Variants in SYN1 observed in about 807,000 individuals in gnomAD.
SYN1 encodes the protein synapsin I, also known as synapsin-1.
Under a neutral mutation model 44.6 loss-of-function variants are expected in SYN1, and 8 were observed. The ratio of observed to expected loss-of-function variants is 0.18; its 90% CI spans 0.11 to 0.32. SYN1 has a LOEUF of 0.32. Ranked by LOEUF, SYN1 falls within the 10% of genes least tolerant of loss-of-function variation. The pLI, the probability that SYN1 is intolerant of heterozygous loss-of-function variation, is 1.00. For synonymous variants in SYN1, 275 were observed against 280.1 expected (o/e 0.98, Z 0.18); for missense variants, 451 against 639.4 (o/e 0.71, Z 3.18).
Position 47,589,321 on chromosome X carries a change from T to C in SYN1, c.775-11820A>G, listed in dbSNP as rs368091146. Reference sequence around the variant, plus strand: ...AAAAAAAAAAAAAAAAGGCCGGGCATGGTGGCTTACGCCTGTAATCCCAGC... The same window carrying C: ...AAAAAAAAAAAAAAAAGGCCGGGCACGGTGGCTTACGCCTGTAATCCCAGC... On this transcript the variant is annotated intron_variant, in intron 5 of 12. Coordinates refer to ENST00000295987, the MANE Select transcript of SYN1 (RefSeq NM_006950.3). Among the ~76,000 whole-genome samples the C allele has an allele frequency of 7.8e-4, 74 of 94,309 alleles. No individual in the cohort carries two copies. The East Asian group carries it at 8.8e-3, about 11-fold the overall frequency. 81.9% of individuals were successfully genotyped at this position (94,309 alleles called of 115,157 possible).
chrX:47,607,733 A>C (rs2057902516), intron 1 of SYN1, among the ~76,000 whole-genome samples: 1 of 107,490 alleles, frequency 9.3e-6, no homozygotes, highest in Non-Finnish European at 1.9e-5. Context: ...AATTGAAAAA[A>C]AAAAAAAAAA....
At position 47,619,837 on chromosome X, in the gene SYN1, C is replaced by T. The variant is rs941984453; in HGVS notation, c.-109G>A. On this transcript the variant is annotated 5_prime_UTR_variant, in exon 1 of 13. Transcript: ENST00000295987. Reference sequence around the variant, plus strand: ...TGCGCTCTCAGGCACGACACGACTCCTCCGCTGCCCACCGCAGACTGAGGC... The same window carrying T: ...TGCGCTCTCAGGCACGACACGACTCTTCCGCTGCCCACCGCAGACTGAGGC... The T allele has an allele frequency of 4.7e-6, 4 of 858,660 alleles. No individual in the cohort carries two copies. The African/African-American group carries it at 8.3e-5, about 18-fold the overall frequency. The allele number at this position is 858,660 out of a possible 1,213,427, so 70.8% of individuals were successfully genotyped here.
At chrX:47,598,338 T>C (rs775225868) in intron 5 of SYN1, among the ~76,000 whole-genome samples, 1 of 111,379 alleles carries the variant, frequency 9.0e-6, no homozygotes, top group Admixed American at 9.6e-5. Context: ...TAATTTGGTA[T>C]TAATTCTAAT....
intron 1 of SYN1, among the ~76,000 whole-genome samples, chrX:47,615,026 C>CA (rs1159308243): frequency 9.0e-6 from 1 of 111,291 alleles, no homozygotes; most frequent in Non-Finnish European, 1.9e-5. Flanking sequence ...ATGCAAATCT[C>CA]AGAGTCTCGG....
rs748278608 is a variant in SYN1 at position 47,575,324 on chromosome X, G to A, written c.1159-50C>T. ...GGGGAGAGGCAGGCCTCGCACCTGA[G>A]GCGGCAGTAACACCGTGCTTTCAGT... On this transcript the variant is annotated intron_variant, in intron 9 of 12. Transcript: ENST00000295987. 2.3e-5 allele frequency: 27 copies of A among 1,188,924 alleles called. No homozygotes were observed. The African/African-American group carries it at 4.5e-4, about 20-fold the overall frequency.
In SYN1 at chrX:47,574,230, T is replaced by G; in HGVS notation, c.1754A>C (p.Gln585Pro). 1 of 1,091,435 alleles carries G rather than the reference T, an allele frequency of 9.2e-7. No homozygotes were observed. Among genetic ancestry groups the G allele is most frequent in the South Asian group, 2.2e-5 (1 of 45,242 alleles). The allele number at this position is 1,091,435 out of a possible 1,213,427, so 89.9% of individuals were successfully genotyped here. A position where few individuals can be genotyped will look rare whatever the true frequency, so the allele number is the denominator to read the frequency against. The part of the protein sequence containing the change: ...PKASGAPPGG[Q>P]QRQGPPQKPP... ...TTTCTGGGGCGGGCCCTGGCGCTGC[T>G]GCCCGCCCGGTGGGGCCCCAGAGGC... The change falls in exon 12 of 13, where the codon CAG (glutamine) becomes CCG (proline). Residue 585 changes from glutamine to proline, a missense_variant. This residue lies in a region of SYN1 where 127 missense variants were observed against 154.8 expected (regional missense o/e 0.82). Transcript: ENST00000295987.
In SYN1 at chrX:47,585,961, G is replaced by A. The variant is rs754194589; in HGVS notation, c.775-8460C>T. 3.1e-5 allele frequency: 33 copies of A among 1,067,328 alleles called. No homozygotes were observed. In the East Asian group the frequency reaches 8.2e-4, roughly 27 times the overall value. The allele number at this position is 1,067,328 out of a possible 1,213,427, so 88.0% of individuals were successfully genotyped here. On this transcript the variant is annotated intron_variant, in intron 5 of 12. Coordinates refer to ENST00000295987, the MANE Select transcript of SYN1 (RefSeq NM_006950.3). ...TCCCACTCCCCGTTCCTGAGCCCCC[G>A]GGATTGTTTCTTGGTTCCCCAGAAT... is the stretch of plus-strand genomic sequence containing the variant.
chrX:47,574,167 T>C lies in SYN1; in HGVS notation c.1817A>G (p.Gln606Arg). 9.5e-7 allele frequency: 1 copy of C among 1,052,395 alleles called. No individual in the cohort carries two copies. The highest frequency in any genetic ancestry group is 1.2e-6 in the Non-Finnish European group (1 of 825,487). The allele number at this position is 1,052,395 out of a possible 1,213,427, so 86.7% of individuals were successfully genotyped here. A position where few individuals can be genotyped will look rare whatever the true frequency, so the allele number is the denominator to read the frequency against. ...CCCAGTGCGGGGCACGGGACCCGCCTGGCTGGCCTGGCGTGTGGGGCCGGC... is the reference window on the plus strand; with the variant it reads ...CCCAGTGCGGGGCACGGGACCCGCCCGGCTGGCCTGGCGTGTGGGGCCGGC... ...GPAGPTRQAS[Q>R]AGPVPRTGPP... The change falls in exon 12 of 13, where the codon CAG becomes CGG. Residue 606 changes from glutamine (Q) to arginine (R), a missense_variant. This residue lies in a region of SYN1 where 127 missense variants were observed against 154.8 expected (regional missense o/e 0.82). Coordinates refer to ENST00000295987, the MANE Select transcript of SYN1 (RefSeq NM_006950.3).
chrX:47,589,044 G>T (rs1356526247), intron 5 of SYN1, among the ~76,000 whole-genome samples: 1 of 111,447 alleles, frequency 9.0e-6, no homozygotes, highest in Non-Finnish European at 1.9e-5. Context: ...GCTGACGCCT[G>T]TAATACTAGC....
intron 7 of SYN1, 23 bp from the exon 8 acceptor site, chrX:47,576,429 C>T: frequency 8.2e-7 from 1 of 1,212,195 alleles, no homozygotes; most frequent in Non-Finnish European, 1.1e-6. Flanking sequence ...GGGACAGAAG[C>T]TCAGGGGTGC....
At chrX:47,577,078 C>T (rs5953059) in intron 6 of SYN1, among the ~76,000 whole-genome samples, 1,575 of 110,825 alleles carry the variant, frequency 0.014, 24 homozygotes, top group African/African-American at 0.049. Flanking sequence ...GGATGTAAAG[C>T]ACACAGGACC....
chrX:47,579,031 A>G (rs2057787326), intron 5 of SYN1, among the ~76,000 whole-genome samples: 1 of 112,000 alleles, frequency 8.9e-6, no homozygotes, highest in Non-Finnish European at 1.9e-5. Context: ...TGCGCACAGC[A>G]CACAGAAGTG....
intron 5 of SYN1, among the ~76,000 whole-genome samples, chrX:47,583,962 T>A (rs757903609): frequency 1.8e-5 from 2 of 112,182 alleles, no homozygotes; most frequent in East Asian, 5.6e-4. Flanking sequence ...TGCAATGGGA[T>A]CTTGCAGTCG....
intron 3 of SYN1, among the ~76,000 whole-genome samples, 194 bp downstream of exon 3, chrX:47,606,751 A>ATATATT (rs1345170011): frequency 1.6e-3 from 147 of 93,238 alleles, no homozygotes; most frequent in African/African-American, 5.4e-3. Flanking sequence ...ATATATATAT[A>ATATATT]TTTTTTTTTA....
chrX:47,606,550 C>T (rs899153469), intron 3 of SYN1, among the ~76,000 whole-genome samples: 1 of 106,220 alleles, frequency 9.4e-6, no homozygotes, highest in African/African-American at 3.4e-5. Flanking sequence ...ATAGTGAGGA[C>T]CCCCCCCATC....
chrX:47,617,878 A>T (rs5953071), intron 1 of SYN1, among the ~76,000 whole-genome samples: 2,656 of 111,665 alleles, frequency 0.024, 73 homozygotes, highest in African/African-American at 0.082. Flanking sequence ...GATCCATTAG[A>T]AGAAAAGGCC....
intron 5 of SYN1, among the ~76,000 whole-genome samples, chrX:47,580,369 G>A (rs951474003): frequency 3.7e-5 from 4 of 108,647 alleles, no homozygotes; most frequent in South Asian, 8.4e-4. Flanking sequence ...CGTAGCTCAC[G>A]CATGTAATCG....
intron 12 of SYN1, 38 bp from the exon 13 acceptor site, chrX:47,573,037 G>A (rs2147911532): frequency 8.3e-7 from 1 of 1,204,939 alleles, no homozygotes; most frequent in Non-Finnish European, 1.1e-6. Context: ...GAGGAAGGGG[G>A]AAGAGGAAGG....
At chrX:47,616,663 T>G (rs960775580) in intron 1 of SYN1, among the ~76,000 whole-genome samples, 2 of 111,745 alleles carry the variant, frequency 1.8e-5, no homozygotes, top group African/African-American at 3.3e-5. Flanking sequence ...CTTTACAGAT[T>G]GATAGAGAAA....
Sources: gnomAD v4.1 joint callset for allele counts (sites outside exome capture counted in the v4.1 genomes callset) on GRCh38, gnomAD v4.1.1 for gene constraint, gnomAD v4.1.1 regional missense constraint, MANE v1.5 for transcripts, NCBI Gene and HGNC (gene_info 2026-07-23, HGNC 2026-07-21) for gene names.